Variants in NSMCE1 observed in about 807,000 individuals in gnomAD.
The protein encoded by NSMCE1 is non-structural maintenance of chromosomes element 1 homolog.
In NSMCE1, 18 loss-of-function variants were observed where a neutral mutation model predicts 29.6. The ratio of observed to expected loss-of-function variants is 0.61; its 90% confidence interval spans 0.42 to 0.90. The LOEUF is 0.90. NSMCE1 is among the 40% of genes least tolerant of loss of function. The pLI is 0.00. For missense variants in NSMCE1, 314 were observed against 343.6 expected (o/e 0.91, Z 0.68); for synonymous variants, 124 against 133.4 (o/e 0.93, Z 0.49).
At chr16:27,241,691 G>A (rs1237085461) in intron 2 of NSMCE1, 1 of 257,934 alleles carries the variant, frequency 3.9e-6, no homozygotes, top group Admixed American at 4.4e-5. Flanking sequence ...GCTGGGAAGA[G>A]CCGGGTGGAA....
chr16:27,256,129 T>C (rs2084084432), intron 2 of NSMCE1, among the ~76,000 whole-genome samples: 2 of 152,188 alleles, frequency 1.3e-5, no homozygotes, highest in Admixed American at 1.3e-4. Context: ...GTACACGCCC[T>C]TTCTCATACC....
At chr16:27,242,447 G>C (rs1219059344) in intron 2 of NSMCE1, among the ~76,000 whole-genome samples, 2 of 152,190 alleles carry the variant, frequency 1.3e-5, no homozygotes, top group Non-Finnish European at 2.9e-5. Context: ...TCAAATGACA[G>C]AGCATAAAAC....
At chr16:27,257,976 A>C (rs535413357) in intron 1 of NSMCE1, 8 of 154,828 alleles carry the variant, frequency 5.2e-5, no homozygotes, top group Non-Finnish European at 1.1e-4. Context: ...GCACTAAATA[A>C]GTCTGAGCTA....
chr16:27,267,169 A>G (rs1012885162), intron 1 of NSMCE1, among the ~76,000 whole-genome samples: 3 of 152,144 alleles, frequency 2.0e-5, no homozygotes, highest in African/African-American at 7.2e-5. Flanking sequence ...CCTATCACCC[A>G]CATTTTAAGA....
At chr16:27,233,663 TC>T (rs2083786151) in intron 4 of NSMCE1, among the ~76,000 whole-genome samples, 1 of 152,254 alleles carries the variant, frequency 6.6e-6, no homozygotes, top group African/African-American at 2.4e-5. Flanking sequence ...TATCATTGCA[TC>T]TAGGCCTGAG....
At chr16:27,267,991 C>A (rs909096344) in intron 1 of NSMCE1, among the ~76,000 whole-genome samples, 4 of 152,128 alleles carry the variant, frequency 2.6e-5, no homozygotes, top group African/African-American at 9.7e-5. Flanking sequence ...GATCCGCCCC[C>A]CTCAGCTTCC....
chr16:27,251,159 A>AAATATAT (rs1474447881), intron 2 of NSMCE1, among the ~76,000 whole-genome samples: 1 of 65,780 alleles, frequency 1.5e-5, no homozygotes, highest in East Asian at 6.9e-4. Flanking sequence ...AATTATTTAA[A>AAATATAT]ATATATATAT....
Position 27,265,161 on chromosome 16 carries a change from C to CTTTT in NSMCE1, c.-12+3541_-12+3544dup, listed in dbSNP as rs5816427. Among the ~76,000 whole-genome samples the CTTTT allele has an allele frequency of 9.7e-4, 80 of 82,682 alleles. 4 individuals are homozygous for CTTTT. The highest frequency in any genetic ancestry group is 0.011 in the Middle Eastern group (1 of 94). The allele number at this position is 82,682 out of a possible 152,430, so 54.2% of individuals were successfully genotyped here. A position where few individuals can be genotyped will look rare whatever the true frequency, so the allele number is the denominator to read the frequency against. ...TGCTGGGAGAGTATAAATTCTTTTC[C>CTTTT]TTTTTTTTTTTTTTTTTTTTTTTTG... On this transcript the variant is annotated intron_variant, in intron 1 of 7. Coordinates refer to ENST00000361439, the MANE Select transcript of NSMCE1 (RefSeq NM_145080.4).
chr16:27,253,684 G>C (rs1163350659), intron 2 of NSMCE1, among the ~76,000 whole-genome samples: 3 of 152,168 alleles, frequency 2.0e-5, no homozygotes, highest in Non-Finnish European at 4.4e-5. Flanking sequence ...ACTCATGAGA[G>C]CCATGGTAAA....
chr16:27,265,870 A>G (rs2084218702), intron 1 of NSMCE1, among the ~76,000 whole-genome samples: 1 of 152,240 alleles, frequency 6.6e-6, no homozygotes, highest in South Asian at 2.1e-4. Context: ...TACATGGTAA[A>G]AACTACAAAG....
intron 1 of NSMCE1, among the ~76,000 whole-genome samples, chr16:27,263,648 T>C (rs1034627632): frequency 3.3e-5 from 5 of 152,224 alleles, no homozygotes; most frequent in African/African-American, 1.2e-4. Context: ...CCCTATGACG[T>C]GAGTTTACCT....
chr16:27,265,693 A>G (rs978154643), intron 1 of NSMCE1, among the ~76,000 whole-genome samples: 3 of 152,236 alleles, frequency 2.0e-5, no homozygotes, highest in Admixed American at 2.0e-4. Flanking sequence ...CATAGAATTC[A>G]AATCAGCAAT....
At chr16:27,262,005 G>A (rs946335510) in intron 1 of NSMCE1, among the ~76,000 whole-genome samples, 2 of 152,160 alleles carry the variant, frequency 1.3e-5, no homozygotes, top group African/African-American at 4.8e-5. Context: ...CACTTTGGGA[G>A]GCCAAGGCGG....
At chr16:27,259,965 C>CA (rs1481188647) in intron 1 of NSMCE1, among the ~76,000 whole-genome samples, 1 of 152,006 alleles carries the variant, frequency 6.6e-6, no homozygotes, top group Admixed American at 6.6e-5. Flanking sequence ...TTCCAAACAA[C>CA]AAAAAACTGA....
chr16:27,242,621 G>A (rs1407464003), intron 2 of NSMCE1, among the ~76,000 whole-genome samples: 2 of 152,178 alleles, frequency 1.3e-5, no homozygotes, highest in Non-Finnish European at 2.9e-5. Flanking sequence ...TACCAGTCAG[G>A]ACTCCCACTG....
chr16:27,249,678 C>T (rs992979963), intron 2 of NSMCE1, among the ~76,000 whole-genome samples: 1 of 152,202 alleles, frequency 6.6e-6, no homozygotes, highest in Non-Finnish European at 1.5e-5. Flanking sequence ...GACAGCCATA[C>T]AGTAAGTCTT....
intron 2 of NSMCE1, among the ~76,000 whole-genome samples, chr16:27,239,008 T>G (rs1215708500): frequency 6.6e-6 from 1 of 152,118 alleles, no homozygotes; most frequent in African/African-American, 2.4e-5. Flanking sequence ...GCACTGGGAC[T>G]ACAGGTGTTT....
chr16:27,227,800 T>G (rs2083715716), intron 5 of NSMCE1, among the ~76,000 whole-genome samples: 1 of 147,966 alleles, frequency 6.8e-6, no homozygotes, highest in Admixed American at 6.7e-5. Flanking sequence ...TTTTTTTTTT[T>G]TTGAGATGGA....
At chr16:27,245,276 G>A (rs1428892561) in intron 2 of NSMCE1, among the ~76,000 whole-genome samples, 1 of 152,220 alleles carries the variant, frequency 6.6e-6, no homozygotes, top group East Asian at 1.9e-4. Context: ...GAAGAAACAG[G>A]ACTTGAATTC....
Sources: gnomAD v4.1 joint callset for allele counts (sites outside exome capture counted in the v4.1 genomes callset) on GRCh38, gnomAD v4.1.1 for gene constraint, MANE v1.5 for transcripts, NCBI Gene and HGNC (gene_info 2026-07-23, HGNC 2026-07-21) for gene names.